PIGN: variants seen among roughly 807,000 people sequenced by gnomAD.
PIGN encodes the protein phosphatidylinositol glycan anchor biosynthesis class N.
PIGN carries 117 observed loss-of-function variants against 125.4 expected under a neutral mutation model. The observed-to-expected ratio is 0.93, with a 90% CI of 0.80 to 1.09. The LOEUF (loss-of-function observed/expected upper bound fraction) is 1.09, where lower values mean the gene tolerates loss of function less well. Ranked by LOEUF, PIGN falls within the 50% of genes least tolerant of loss-of-function variation. PIGN has a pLI of 0.00. For missense variants in PIGN, 1,075 were observed against 1,094.9 expected, an observed-to-expected ratio of 0.98 and a Z score of 0.26; for synonymous variants, 392 against 377.8, an observed-to-expected ratio of 1.04 and a Z score of -0.44.
rs2030483781 is a variant in PIGN at position 62,043,975 on chromosome 18, A to T, written c.*1881T>A. ...GCAACATAAAAATATACATTTCAAAACATTTAAAGATATCTGGGAAACTGC... is the reference window on the plus strand; with the variant it reads ...GCAACATAAAAATATACATTTCAAATCATTTAAAGATATCTGGGAAACTGC... On this transcript the variant is annotated 3_prime_UTR_variant, in exon 31 of 31. Transcript: ENST00000640252. 1 of 152,330 alleles carries T rather than the reference A, an allele frequency of 6.6e-6. No homozygotes were observed. The highest frequency in any genetic ancestry group is 1.9e-4 in the East Asian group (1 of 5,188). The allele number at this position is 152,330 out of a possible 1,614,324, so 9.4% of individuals were successfully genotyped here.
chr18:62,059,307 GA>G (rs1343100718), intron 30 of PIGN: 1 of 151,330 alleles, frequency 6.6e-6, no homozygotes, highest in East Asian at 2.0e-4. Flanking sequence ...GTCAAATCCA[GA>G]AAAGCTCAAT....
intron 1 of PIGN, among the ~76,000 whole-genome samples, chr18:62,164,193 A>T (rs185143011): frequency 6.6e-6 from 1 of 152,346 alleles, no homozygotes; most frequent in Non-Finnish European, 1.5e-5. Flanking sequence ...AAAGGCAGTC[A>T]TGTAGATCCA....
At chr18:62,178,360 G>A (rs961381274) in intron 1 of PIGN, among the ~76,000 whole-genome samples, 1 of 151,790 alleles carries the variant, frequency 6.6e-6, no homozygotes, top group Non-Finnish European at 1.5e-5. Context: ...GCTTGTTTCA[G>A]TGGAGGAACT....
rs71160810 is a variant in PIGN at position 62,048,695 on chromosome 18, C to CTT, written c.2673-2718_2673-2717dup. ...GAATGTCTGAAGGAAGTTTTCTTTT[C>CTT]TTTTTTTTTTTTTATTATTATTATA... On this transcript the variant is annotated intron_variant, in intron 30 of 30. Transcript: ENST00000640252. Among the ~76,000 whole-genome samples, 626 of 139,638 alleles carry CTT rather than the reference C, an allele frequency of 4.5e-3. 1 individual carries two copies. Among genetic ancestry groups the CTT allele is most frequent in the African/African-American group, 0.014 (533 of 38,274 alleles). The allele number at this position is 139,638 out of a possible 152,430, so 91.6% of individuals were successfully genotyped here.
rs138478213 is a variant in PIGN at position 62,151,687 on chromosome 18, T to C, written c.549+2858A>G. ...TAGGCATACTTTCCTTTCTTTCCCG[T>C]TCTAAAGTTTTTGTAAATAAACTTC... On this transcript the variant is annotated intron_variant, in intron 7 of 30. Transcript: ENST00000640252. Among the ~76,000 whole-genome samples the C allele has an allele frequency of 3.9e-5, 6 of 152,324 alleles. No homozygotes were observed. In the East Asian group the frequency reaches 1.2e-3, roughly 29 times the overall value.
chr18:62,125,133 C>CGTTTGTACATATGTGTATATACAT (rs1568202934), intron 14 of PIGN, among the ~76,000 whole-genome samples: 1 of 68,572 alleles, frequency 1.5e-5, no homozygotes, highest in African/African-American at 4.7e-5. Flanking sequence ...TAAATATACA[C>CGTTTGTACATATGTGTATATACAT]GTTTGTACAT....
At chr18:62,084,424 A>G (rs1041095398) in intron 27 of PIGN, 107 bp downstream of exon 27, 6 of 688,926 alleles carry the variant, frequency 8.7e-6, no homozygotes, top group Admixed American at 3.0e-5. Context: ...AGCAGTGCCA[A>G]CTCTGAAAGG....
chr18:62,101,484 A>G (rs1599521927), intron 21 of PIGN, among the ~76,000 whole-genome samples: 1 of 152,220 alleles, frequency 6.6e-6, no homozygotes, highest in East Asian at 1.9e-4. Flanking sequence ...CTTCTGTCAA[A>G]GTACTTATTA....
chr18:62,120,410 C>T (rs55961760), intron 14 of PIGN, among the ~76,000 whole-genome samples: 36,152 of 152,006 alleles, frequency 0.24, 4,553 homozygotes, highest in Middle Eastern at 0.37. Context: ...ATGTCTTTCA[C>T]TGGCAAATAC....
intron 30 of PIGN, chr18:62,070,591 T>C: frequency 2.5e-6 from 1 of 396,916 alleles, no homozygotes; most frequent in Non-Finnish European, 4.4e-6. Context: ...CACAAAGTGA[T>C]GAATGAATAT....
intron 30 of PIGN, among the ~76,000 whole-genome samples, chr18:62,054,253 A>G (rs530820167): frequency 3.3e-5 from 5 of 152,144 alleles, no homozygotes; most frequent in Non-Finnish European, 7.4e-5. Flanking sequence ...AGTAAAATGT[A>G]AAAACATAAA....
chr18:62,082,328 T>TA (rs1358740602), intron 28 of PIGN, among the ~76,000 whole-genome samples: 7 of 152,282 alleles, frequency 4.6e-5, no homozygotes, highest in African/African-American at 1.7e-4. Context: ...AAATAAAAGT[T>TA]AGAGTATCTT....
At chr18:62,158,613 C>T (rs2036826441) in intron 4 of PIGN, among the ~76,000 whole-genome samples, 1 of 152,160 alleles carries the variant, frequency 6.6e-6, no homozygotes, top group South Asian at 2.1e-4. Context: ...GCCAGCAGAG[C>T]AATAAGTTAT....
chr18:62,068,560 G>A (rs1422255017), intron 30 of PIGN, among the ~76,000 whole-genome samples: 1 of 152,158 alleles, frequency 6.6e-6, no homozygotes, highest in Non-Finnish European at 1.5e-5. Flanking sequence ...CAGCAATCTA[G>A]CACCAGATCC....
intron 4 of PIGN, among the ~76,000 whole-genome samples, chr18:62,160,879 T>C (rs2036927105): frequency 6.6e-6 from 1 of 152,200 alleles, no homozygotes; most frequent in African/African-American, 2.4e-5. Context: ...TAGGACAATT[T>C]AGCTTAAGCA....
At chr18:62,024,549 C>G (rs1369282062) in intron 23 of PIGN, among the ~76,000 whole-genome samples, 1 of 152,206 alleles carries the variant, frequency 6.6e-6, no homozygotes, top group African/African-American at 2.4e-5. Flanking sequence ...CCTTCTCAGT[C>G]CTTTTCACAA....
chr18:62,150,949 C>A (rs921862620), intron 7 of PIGN, among the ~76,000 whole-genome samples: 1 of 152,160 alleles, frequency 6.6e-6, no homozygotes, highest in Admixed American at 6.5e-5. Context: ...ATCCACCCGC[C>A]TCGGCCTCCC....
chr18:62,125,274 AC>A (rs2035491827), intron 14 of PIGN, among the ~76,000 whole-genome samples: 1 of 151,994 alleles, frequency 6.6e-6, no homozygotes, highest in Non-Finnish European at 1.5e-5. Flanking sequence ...ATAAACACAC[AC>A]ACACACACGA....
chr18:62,109,032 G>A lies in PIGN; in HGVS notation c.1574+802C>T, dbSNP rs551858704. 1.3e-3 allele frequency among the ~76,000 whole-genome samples: 194 copies of A among 152,236 alleles called. 1 individual carries two copies. Among genetic ancestry groups the A allele is most frequent in the Middle Eastern group, 6.8e-3 (2 of 294 alleles). ...CTTGGGGATACCCTTATTATAATAGGCTCTCATTCTTTCATTGACTTTAGG... is the reference window on the plus strand; with the variant it reads ...CTTGGGGATACCCTTATTATAATAGACTCTCATTCTTTCATTGACTTTAGG... On this transcript the variant is annotated intron_variant, in intron 17 of 30. Transcript: ENST00000640252.
Sources: allele counts gnomAD v4.1 joint callset (sites outside exome capture counted in the v4.1 genomes callset), GRCh38; gene constraint gnomAD v4.1.1; transcripts MANE v1.5; gene names NCBI Gene and HGNC (gene_info 2026-07-23, HGNC 2026-07-21).